Variants in RSPO2 observed in about 807,000 individuals in gnomAD.
RSPO2 encodes R-spondin-2.
A neutral mutation model predicts 30.9 loss-of-function variants in RSPO2; 14 were observed. The ratio of observed to expected loss-of-function variants is 0.45; its 90% CI spans 0.30 to 0.71. The LOEUF is 0.71. RSPO2 is among the 30% of genes least tolerant of loss of function. The pLI is 0.08. For missense variants in RSPO2, 264 were observed against 301.9 expected, an observed-to-expected ratio of 0.87 and a Z score of 0.93; for synonymous variants, 107 against 96.4, an observed-to-expected ratio of 1.11 and a Z score of -0.64.
Position 108,002,014 on chromosome 8 carries a change from T to C in RSPO2, c.95-12770A>G, listed in dbSNP as rs184355097. Among the ~76,000 whole-genome samples the C allele has an allele frequency of 6.6e-5, 10 of 152,026 alleles. No homozygotes were observed. The East Asian group carries it at 1.9e-3, about 29-fold the overall frequency. On this transcript the variant is annotated intron_variant, in intron 2 of 5. Coordinates refer to ENST00000276659, the MANE Select transcript of RSPO2 (RefSeq NM_178565.5). The stretch of plus-strand genomic sequence containing the variant: ...CACATATATACCTATGTAACAAACA[T>C]GCACATTCTGCACATGTATCCCAGA...
intron 2 of RSPO2, among the ~76,000 whole-genome samples, chr8:108,001,876 C>G (rs1815259940): frequency 6.6e-6 from 1 of 151,956 alleles, no homozygotes; most frequent in Admixed American, 6.6e-5. Flanking sequence ...CACACCAGGG[C>G]CTGTCTGGCA....
chr8:108,005,853 C>T (rs992080927), intron 2 of RSPO2, among the ~76,000 whole-genome samples: 6 of 152,096 alleles, frequency 3.9e-5, no homozygotes, highest in Admixed American at 3.3e-4. Flanking sequence ...CATAAACATA[C>T]AGATGTATGC....
At chr8:108,036,766 A>C (rs1182555618) in intron 2 of RSPO2, among the ~76,000 whole-genome samples, 2 of 152,216 alleles carry the variant, frequency 1.3e-5, no homozygotes, top group African/African-American at 2.4e-5. Flanking sequence ...CCATTCTTCC[A>C]ACAGCATGAG....
intron 2 of RSPO2, among the ~76,000 whole-genome samples, chr8:107,995,185 T>A (rs1329314504): frequency 6.6e-6 from 1 of 152,164 alleles, no homozygotes; most frequent in Non-Finnish European, 1.5e-5. Flanking sequence ...GCATGTTGAA[T>A]CTATTTCATG....
intron 5 of RSPO2, among the ~76,000 whole-genome samples, chr8:107,934,218 A>C (rs1307072175): frequency 6.6e-6 from 1 of 151,950 alleles, no homozygotes; most frequent in East Asian, 1.9e-4. Flanking sequence ...ATATGTTGGC[A>C]AAAAAAATCA....
intron 5 of RSPO2, among the ~76,000 whole-genome samples, chr8:107,921,592 C>A (rs1812176957): frequency 6.6e-6 from 1 of 152,000 alleles, no homozygotes; most frequent in African/African-American, 2.4e-5. Context: ...GAGGGACTGA[C>A]TCCTCTCCAA....
At position 107,958,245 on chromosome 8, in the gene RSPO2, T is replaced by A; in HGVS notation, c.451A>T (p.Ser151Cys). The A allele has an allele frequency of 6.2e-7, 1 of 1,613,296 alleles. No homozygotes were observed. The highest frequency in any genetic ancestry group is 8.5e-7 in the Non-Finnish European group (1 of 1,179,620). ...TTTCTGCTACAAGTTCCCCATTCGCTCCAATGACCAACTTCACATCCTTCT... is the reference window on the plus strand; with the variant it reads ...TTTCTGCTACAAGTTCCCCATTCGCACCAATGACCAACTTCACATCCTTCT... ...CVEGCEVGHW[S>C]EWGTCSRNNR... The change falls in exon 5 of 6, where the codon AGC (serine) becomes TGC (cysteine). Residue 151 changes from serine to cysteine, a missense_variant. Coordinates refer to ENST00000276659, the MANE Select transcript of RSPO2 (RefSeq NM_178565.5).
At position 108,062,039 on chromosome 8, in the gene RSPO2, T is replaced by G. The variant is rs1202038921; in HGVS notation, c.94+20506A>C. ...TCTCTGGGACACATTTAAAGCAGTG[T>G]GTAGAGGGAAACTTATAGCACTAAA... is the stretch of plus-strand genomic sequence containing the variant. On this transcript the variant is annotated intron_variant, in intron 2 of 5. Transcript: ENST00000276659. Among the ~76,000 whole-genome samples, 14 of 151,794 alleles carry G rather than the reference T, an allele frequency of 9.2e-5. No homozygotes were observed. In the South Asian group the frequency reaches 1.0e-3, roughly 11 times the overall value.
chr8:107,905,494 A>AACTAGG (rs1341058596), intron 5 of RSPO2, among the ~76,000 whole-genome samples: 1 of 152,190 alleles, frequency 6.6e-6, no homozygotes, highest in East Asian at 1.9e-4. Context: ...ACTGCGACAA[A>AACTAGG]ACTAGGACTG....
intron 2 of RSPO2, among the ~76,000 whole-genome samples, chr8:108,031,552 T>C (rs913422803): frequency 4.6e-5 from 7 of 152,172 alleles, no homozygotes; most frequent in Non-Finnish European, 8.8e-5. Context: ...AACGTAAGCA[T>C]CAAGTATCAC....
At chr8:108,006,814 C>T (rs1815467967) in intron 2 of RSPO2, among the ~76,000 whole-genome samples, 1 of 152,154 alleles carries the variant, frequency 6.6e-6, no homozygotes, top group South Asian at 2.1e-4. Context: ...CTTGCATTCT[C>T]TCCCTCTGTG....
intron 2 of RSPO2, among the ~76,000 whole-genome samples, chr8:107,995,671 C>T (rs756003104): frequency 6.6e-6 from 1 of 152,082 alleles, no homozygotes; most frequent in Non-Finnish European, 1.5e-5. Flanking sequence ...ATTCCAATAG[C>T]CTAGGTTGCT....
At chr8:107,927,217 G>C (rs956748777) in intron 5 of RSPO2, among the ~76,000 whole-genome samples, 3 of 152,264 alleles carry the variant, frequency 2.0e-5, no homozygotes, top group African/African-American at 7.2e-5. Flanking sequence ...TGGTGTATAA[G>C]AATGCTTGTG....
At chr8:108,028,262 C>T (rs1811287526) in intron 2 of RSPO2, among the ~76,000 whole-genome samples, 1 of 152,196 alleles carries the variant, frequency 6.6e-6, no homozygotes, top group Non-Finnish European at 1.5e-5. Context: ...CTTACCCCCT[C>T]ACCTCACATA....
At chr8:108,079,369 T>C (rs560584560) in intron 2 of RSPO2, among the ~76,000 whole-genome samples, 7 of 152,102 alleles carry the variant, frequency 4.6e-5, no homozygotes, top group African/African-American at 1.7e-4. Context: ...GGGAAGAAAA[T>C]ATGGTAGGTA....
intron 2 of RSPO2, among the ~76,000 whole-genome samples, chr8:108,059,302 A>C (rs1812369667): frequency 6.6e-6 from 1 of 151,952 alleles, no homozygotes; most frequent in Non-Finnish European, 1.5e-5. Context: ...CCACAATGAG[A>C]TACCATCTCA....
intron 2 of RSPO2, among the ~76,000 whole-genome samples, chr8:108,079,818 TA>T (rs35351453): frequency 6.6e-6 from 1 of 151,998 alleles, no homozygotes; most frequent in Admixed American, 6.6e-5. Flanking sequence ...ACACCTTTTA[TA>T]AAAAATACCA....
intron 5 of RSPO2, among the ~76,000 whole-genome samples, chr8:107,917,322 TA>T (rs1812013275): frequency 1.3e-5 from 2 of 152,132 alleles, no homozygotes; most frequent in East Asian, 3.9e-4. Flanking sequence ...CCATCTCTAC[TA>T]AAAATACAAA....
intron 5 of RSPO2, among the ~76,000 whole-genome samples, chr8:107,903,460 T>A (rs1434867265): frequency 6.6e-6 from 1 of 152,068 alleles, no homozygotes; most frequent in Non-Finnish European, 1.5e-5. Context: ...GTCAATTTCG[T>A]TTCATTTACC....
Sources: gnomAD v4.1 joint callset for allele counts (sites outside exome capture counted in the v4.1 genomes callset) on GRCh38, gnomAD v4.1.1 for gene constraint, MANE v1.5 for transcripts, NCBI Gene and HGNC (gene_info 2026-07-23, HGNC 2026-07-21) for gene names.